Variants in PPP1R13B observed in about 807,000 individuals in gnomAD.
PPP1R13B encodes apoptosis-stimulating of p53 protein 1.
PPP1R13B carries 44 observed loss-of-function variants against 119.8 expected under a neutral mutation model. That is an observed-to-expected ratio of 0.37 (90% CI 0.29 to 0.47). The LOEUF (loss-of-function observed/expected upper bound fraction) is 0.47, where lower values mean the gene tolerates loss of function less well. Ranked by LOEUF, PPP1R13B falls within the 20% of genes least tolerant of loss-of-function variation. PPP1R13B has a pLI of 0.99. For synonymous variants in PPP1R13B, 542 were observed against 561.5 expected (o/e 0.97, Z 0.49); for missense variants, 1,227 against 1,413.5 (o/e 0.87, Z 2.12).
chr14:103,742,997 C>A lies in PPP1R13B; in HGVS notation c.1151-174G>T. On this transcript the variant is annotated intron_variant, in intron 9 of 16. Transcript: ENST00000202556. The surrounding 1 kb of genome is among the most constrained non-coding windows in gnomAD (Gnocchi z 4.9). ...CACAACTGCTGATCTCCTCCAGCAC[C>A]CACAGACCCGTGCACAAGACCAAGG... 1 of 689,060 alleles carries A rather than the reference C, an allele frequency of 1.5e-6. No individual in the cohort carries two copies. Among genetic ancestry groups the A allele is most frequent in the Admixed American group, 2.8e-5 (1 of 36,052 alleles). 42.7% of individuals were successfully genotyped at this position (689,060 alleles called of 1,614,324 possible). A position where few individuals can be genotyped will look rare whatever the true frequency, so the allele number is the denominator to read the frequency against.
chr14:103,736,733 G>A (rs1279155961), intron 15 of PPP1R13B: 2 of 155,734 alleles, frequency 1.3e-5, no homozygotes, highest in Non-Finnish European at 2.9e-5. Flanking sequence ...TCACACTGGC[G>A]GGACTCACCT....
chr14:103,778,961 GAA>G, intron 3 of PPP1R13B, 140 bp from the exon 4 acceptor site: 1 of 677,982 alleles, frequency 1.5e-6, no homozygotes. Context: ...TAGTACAGTT[GAA>G]AAAATGGTCT....
intron 4 of PPP1R13B, among the ~76,000 whole-genome samples, chr14:103,772,582 C>G (rs1406318966): frequency 6.6e-6 from 1 of 152,028 alleles, no homozygotes; most frequent in African/African-American, 2.4e-5. Context: ...TTCCTAAAGA[C>G]TAATGATGGT....
Position 103,813,679 on chromosome 14 carries a change from G to A in PPP1R13B, c.10-16161C>T, listed in dbSNP as rs935828218. Among the ~76,000 whole-genome samples the A allele has an allele frequency of 2.9e-4, 44 of 152,094 alleles. 1 individual carries two copies. Among genetic ancestry groups the A allele is most frequent in the South Asian group, 4.1e-4 (2 of 4,832 alleles). Reference sequence around the variant, plus strand: ...TTCCTTTATAAATTACCCAGTCTCCGGTAGTTCTTTATAGCAGGGTAAGAG... The same window carrying A: ...TTCCTTTATAAATTACCCAGTCTCCAGTAGTTCTTTATAGCAGGGTAAGAG... On this transcript the variant is annotated intron_variant, in intron 1 of 16. Coordinates refer to ENST00000202556, the MANE Select transcript of PPP1R13B (RefSeq NM_015316.3).
chr14:103,739,002 T>G lies in PPP1R13B; in HGVS notation c.2614A>C (p.Lys872Gln). 1 of 1,613,868 alleles carries G rather than the reference T, an allele frequency of 6.2e-7. No individual in the cohort carries two copies. Among genetic ancestry groups the G allele is most frequent in the Non-Finnish European group, 8.5e-7 (1 of 1,179,872 alleles). The change falls in exon 13 of 17, where the codon AAG (lysine) becomes CAG (glutamine). Residue 872 changes from lysine to glutamine, a missense_variant. Lys to Gln is a moderately conservative substitution (Grantham distance 53). Transcript: ENST00000202556. ...TGCCCCGTCCGCTCCGAGTTGGGCT[T>G]CTTCAAGTTGGTCCGCTTGTTCTGT... ...TSTNKRTNLK[K>Q]PNSERTGHGL... is the part of the protein sequence containing the mutation.
At chr14:103,844,340 G>A (rs1327844024) in intron 1 of PPP1R13B, among the ~76,000 whole-genome samples, 60 of 151,856 alleles carry the variant, frequency 4.0e-4, no homozygotes, top group Non-Finnish European at 2.9e-5. Context: ...CTTCTACAGA[G>A]ATTTGATTGT....
intron 1 of PPP1R13B, among the ~76,000 whole-genome samples, chr14:103,836,047 CTT>C (rs746593375): frequency 1.8e-4 from 24 of 133,502 alleles, no homozygotes; most frequent in Admixed American, 1.5e-4. Context: ...GGCCTACTGA[CTT>C]TTTTTTTTTT....
chr14:103,801,805 G>GA (rs2152047345), intron 1 of PPP1R13B, among the ~76,000 whole-genome samples: 1 of 152,028 alleles, frequency 6.6e-6, no homozygotes. Flanking sequence ...CCTAAGTTGA[G>GA]AAAAAATATA....
intron 1 of PPP1R13B, among the ~76,000 whole-genome samples, chr14:103,809,828 T>G (rs1393624763): frequency 1.3e-5 from 2 of 149,916 alleles, no homozygotes; most frequent in Admixed American, 6.6e-5. Flanking sequence ...TGTCTCAAAA[T>G]TATTATTATT....
intron 1 of PPP1R13B, among the ~76,000 whole-genome samples, chr14:103,808,086 C>CA (rs1006931858): frequency 6.0e-5 from 9 of 150,252 alleles, no homozygotes; most frequent in East Asian, 2.0e-4. Flanking sequence ...ACTAAAAATA[C>CA]AAAAAAAAAT....
At chr14:103,753,238 A>C in intron 6 of PPP1R13B, 42 bp from the exon 7 acceptor site, 1 of 1,460,774 alleles carries the variant, frequency 6.8e-7, no homozygotes, top group Non-Finnish European at 9.0e-7. Context: ...GATTTAGTTG[A>C]TCCTTTTTTT....
intron 1 of PPP1R13B, among the ~76,000 whole-genome samples, chr14:103,822,177 C>T (rs938818630): frequency 1.3e-5 from 2 of 152,050 alleles, no homozygotes; most frequent in African/African-American, 4.8e-5. Flanking sequence ...TCTTGTCGCC[C>T]AGGCTGGGGT....
At chr14:103,764,714 G>GT (rs2084897019) in intron 4 of PPP1R13B, among the ~76,000 whole-genome samples, 1 of 151,704 alleles carries the variant, frequency 6.6e-6, no homozygotes, top group Non-Finnish European at 1.5e-5. Flanking sequence ...TGAAAGTTCT[G>GT]TTTGGTTCCT....
At position 103,784,968 on chromosome 14, in the gene PPP1R13B, A is replaced by G. The variant is rs1250868509; in HGVS notation, c.158-54T>C. 6 of 1,466,922 alleles carry G rather than the reference A, an allele frequency of 4.1e-6. No individual in the cohort carries two copies. The African/African-American group carries it at 8.4e-5, about 20-fold the overall frequency. The allele number at this position is 1,466,922 out of a possible 1,614,324, so 90.9% of individuals were successfully genotyped here. A position where few individuals can be genotyped will look rare whatever the true frequency, so the allele number is the denominator to read the frequency against. The stretch of plus-strand genomic sequence containing the variant: ...CCAGAATTAAAATGACTCCAACCAA[A>G]AGTAAATTTTGTAAAAAACTTAAAT... On this transcript the variant is annotated intron_variant, in intron 2 of 16. Coordinates refer to ENST00000202556, the MANE Select transcript of PPP1R13B (RefSeq NM_015316.3).
chr14:103,801,978 T>C (rs1403914764), intron 1 of PPP1R13B, among the ~76,000 whole-genome samples: 5 of 152,224 alleles, frequency 3.3e-5, no homozygotes, highest in Non-Finnish European at 7.3e-5. Context: ...CTGGGGATTT[T>C]TGTATACTGA....
chr14:103,784,687 G>A, intron 3 of PPP1R13B, 108 bp downstream of exon 3: 2 of 1,060,922 alleles, frequency 1.9e-6, no homozygotes, highest in Non-Finnish European at 2.5e-6. Context: ...CTAGCCACTT[G>A]TAAGTGCAGG....
At position 103,779,183 on chromosome 14, in the gene PPP1R13B, G is replaced by C. The variant is rs1225400672; in HGVS notation, c.278-362C>G. ...TGCACCCTGTAGTCTCAGCTACTTG[G>C]GGGGCTGAGGCGGGAGAATGACTTG... On this transcript the variant is annotated intron_variant, in intron 3 of 16. Coordinates refer to ENST00000202556, the MANE Select transcript of PPP1R13B (RefSeq NM_015316.3). Among the ~76,000 whole-genome samples the C allele has an allele frequency of 1.5e-4, 8 of 54,186 alleles. No individual in the cohort carries two copies. The South Asian group carries it at 2.9e-3, about 20-fold the overall frequency. 35.5% of individuals were successfully genotyped at this position (54,186 alleles called of 152,430 possible).
In PPP1R13B at chr14:103,742,664, G is replaced by A. The variant is rs1044852936; in HGVS notation, c.1310C>T (p.Thr437Met). The change falls in exon 10 of 17, where the codon ACG becomes ATG. Residue 437 changes from threonine to methionine, a missense_variant. By Grantham distance (81) the Thr-to-Met change is moderately conservative (BLOSUM62 -1). Coordinates refer to ENST00000202556, the MANE Select transcript of PPP1R13B (RefSeq NM_015316.3). The surrounding 1 kb of genome is among the most constrained non-coding windows in gnomAD (Gnocchi z 4.9). ...AAGACACAGGCCTACCGGCTTCTCC[G>A]TGGGTCCCAGTGCTGAGAAGGGCAC... ...QPVPFSALGP[T>M]EKPGIEIGKV... 1.9e-5 allele frequency: 31 copies of A among 1,613,424 alleles called. 1 individual carries two copies. The highest frequency in any genetic ancestry group is 1.6e-4 in the East Asian group (7 of 44,896).
chr14:103,787,091 T>C (rs1018190597), intron 2 of PPP1R13B, among the ~76,000 whole-genome samples: 4 of 152,008 alleles, frequency 2.6e-5, no homozygotes, highest in Admixed American at 2.0e-4. Flanking sequence ...TGAACTCAAG[T>C]GATCCACCTG....
Sources: allele counts gnomAD v4.1 joint callset (sites outside exome capture counted in the v4.1 genomes callset), GRCh38; gene constraint gnomAD v4.1.1; non-coding constraint Gnocchi (gnomAD v3.1); transcripts MANE v1.5; gene names NCBI Gene and HGNC (gene_info 2026-07-23, HGNC 2026-07-21).